RNGTT: variants seen among roughly 807,000 people sequenced by gnomAD.
RNGTT encodes the protein RNA guanylyltransferase and 5'-phosphatase, also known as mRNA-capping enzyme.
In RNGTT, 33 loss-of-function variants were observed where a neutral mutation model predicts 79.3. That is an observed-to-expected ratio of 0.42 (90% CI 0.32 to 0.56). RNGTT has a LOEUF of 0.56. Among genes scored for constraint, RNGTT ranks in the 20% least tolerant of loss-of-function variants. The probability of loss-of-function intolerance (pLI) is 0.17; values close to 1 mark genes in which losing one functional copy is unlikely to be tolerated. For synonymous variants in RNGTT, 222 were observed against 235.9 expected (o/e 0.94, Z 0.54); for missense variants, 497 against 739.1 (o/e 0.67, Z 3.80).
chr6:88,614,101 G>A (rs1366948463), intron 15 of RNGTT, among the ~76,000 whole-genome samples, 171 bp downstream of exon 15: 1 of 152,198 alleles, frequency 6.6e-6, no homozygotes, highest in African/African-American at 2.4e-5. Context: ...GAACCTACAA[G>A]CCAACTGGAG....
chr6:88,836,639 G>T (rs73498433), intron 11 of RNGTT, among the ~76,000 whole-genome samples: 3,740 of 152,122 alleles, frequency 0.025, 166 homozygotes, highest in African/African-American at 0.084. Flanking sequence ...CTACTCAGGA[G>T]GCTAAGGCGG....
At chr6:88,952,960 G>T (rs538738710) in intron 1 of RNGTT, among the ~76,000 whole-genome samples, 142 of 152,290 alleles carry the variant, frequency 9.3e-4, no homozygotes, top group Non-Finnish European at 6.6e-4. Context: ...TGGGACAAAA[G>T]AATCTGAACA....
chr6:88,864,378 A>G (rs1038960315), intron 8 of RNGTT, among the ~76,000 whole-genome samples: 19 of 152,106 alleles, frequency 1.2e-4, no homozygotes, highest in African/African-American at 4.6e-4. Flanking sequence ...ATTTGCCAAC[A>G]TTAGCATTAA....
intron 14 of RNGTT, among the ~76,000 whole-genome samples, chr6:88,634,765 ATATAACT>A (rs1342317373): frequency 6.6e-6 from 1 of 152,156 alleles, no homozygotes; most frequent in Non-Finnish European, 1.5e-5. Flanking sequence ...AGAAAATAAA[ATATAACT>A]TAAAAAATAT....
Position 88,930,705 on chromosome 6 carries a change from T to C in RNGTT, c.175-1438A>G, listed in dbSNP as rs898381723. On this transcript the variant is annotated intron_variant, in intron 2 of 15. Transcript: ENST00000369485. The stretch of plus-strand genomic sequence containing the variant: ...CCAGGAGCAGCAGATTTTAGGAAAA[T>C]GCCAATAAAAATACATTTCCGGTAA... Among the ~76,000 whole-genome samples the C allele has an allele frequency of 4.6e-5, 7 of 152,012 alleles. 1 individual carries two copies. Among genetic ancestry groups the C allele is most frequent in the Admixed American group, 4.6e-4 (7 of 15,250 alleles).
At chr6:88,771,303 A>ATGTG (rs373169358) in intron 12 of RNGTT, among the ~76,000 whole-genome samples, 1,595 of 81,936 alleles carry the variant, frequency 0.019, 34 homozygotes, top group African/African-American at 0.044. Flanking sequence ...GTATGTATGT[A>ATGTG]TGTGTGTGTG....
chr6:88,934,497 C>T (rs1485731630), intron 2 of RNGTT, among the ~76,000 whole-genome samples: 3 of 152,076 alleles, frequency 2.0e-5, no homozygotes, highest in Non-Finnish European at 4.4e-5. Context: ...CATCTTTGCC[C>T]ACTTTTTAAT....
At chr6:88,717,821 C>A (rs940068301) in intron 13 of RNGTT, among the ~76,000 whole-genome samples, 1 of 152,098 alleles carries the variant, frequency 6.6e-6, no homozygotes, top group African/African-American at 2.4e-5. Flanking sequence ...CCCCCACCAA[C>A]CCTGCCAGCA....
chr6:88,645,041 T>A (rs1457509773), intron 14 of RNGTT, among the ~76,000 whole-genome samples: 2 of 152,112 alleles, frequency 1.3e-5, no homozygotes, highest in Non-Finnish European at 2.9e-5. Flanking sequence ...GGTATTCAAT[T>A]AGGAAAAGAG....
intron 14 of RNGTT, among the ~76,000 whole-genome samples, chr6:88,640,358 T>C (rs980866194): frequency 1.5e-5 from 2 of 135,592 alleles, no homozygotes; most frequent in African/African-American, 2.8e-5. Context: ...GAGACCAACA[T>C]AGGCAGCATA....
chr6:88,632,544 GACACACACACACACAC>G (rs55920605), intron 14 of RNGTT, among the ~76,000 whole-genome samples: 1 of 132,968 alleles, frequency 7.5e-6, no homozygotes, highest in Non-Finnish European at 1.6e-5. Flanking sequence ...CAGACACACA[GACACACACACACACAC>G]ACACACACAC....
intron 13 of RNGTT, among the ~76,000 whole-genome samples, chr6:88,712,119 G>T (rs1243749158): frequency 6.6e-6 from 1 of 152,032 alleles, no homozygotes; most frequent in Admixed American, 6.6e-5. Context: ...TCCTTTAGGG[G>T]GATAAATTTA....
At chr6:88,672,788 G>A (rs1383537590) in intron 14 of RNGTT, among the ~76,000 whole-genome samples, 1 of 152,172 alleles carries the variant, frequency 6.6e-6, no homozygotes, top group East Asian at 1.9e-4. Flanking sequence ...ACCAGTCTAA[G>A]ACTATGCTGA....
chr6:88,863,286 T>C (rs966148897), intron 8 of RNGTT, among the ~76,000 whole-genome samples: 1 of 152,214 alleles, frequency 6.6e-6, no homozygotes, highest in Non-Finnish European at 1.5e-5. Flanking sequence ...TTAAATGTCT[T>C]CTACATAAGC....
At chr6:88,627,740 C>A (rs971961454) in intron 14 of RNGTT, among the ~76,000 whole-genome samples, 2 of 152,058 alleles carry the variant, frequency 1.3e-5, no homozygotes, top group East Asian at 3.9e-4. Context: ...CACCGAAGAC[C>A]ACAGACTCAC....
At position 88,855,173 on chromosome 6, in the gene RNGTT, C is replaced by A. The variant is rs1461681887; in HGVS notation, c.897-1409G>T. Among the ~76,000 whole-genome samples, 7 of 151,616 alleles carry A rather than the reference C, an allele frequency of 4.6e-5. 1 individual carries two copies. The highest frequency in any genetic ancestry group is 1.7e-4 in the African/African-American group (7 of 41,268). The stretch of plus-strand genomic sequence containing the variant: ...TACCCGCAAAGTACCTGAGGTATGT[C>A]CAAAAAAAAGGCAGCAACGACTGAA... On this transcript the variant is annotated intron_variant, in intron 8 of 15. Coordinates refer to ENST00000369485, the MANE Select transcript of RNGTT (RefSeq NM_003800.5).
chr6:88,854,110 C>CT (rs35698376), intron 8 of RNGTT, among the ~76,000 whole-genome samples: 14,249 of 151,300 alleles, frequency 0.094, 859 homozygotes, highest in Middle Eastern at 0.2. Flanking sequence ...TTTTTTCTTT[C>CT]TTTTTTTTAG....
intron 12 of RNGTT, among the ~76,000 whole-genome samples, chr6:88,774,070 C>T: frequency 6.6e-6 from 1 of 152,002 alleles, no homozygotes; most frequent in Non-Finnish European, 1.5e-5. Context: ...CTGATATAAA[C>T]CTGGATATGT....
chr6:88,772,931 A>G (rs1778740398), intron 12 of RNGTT, among the ~76,000 whole-genome samples: 1 of 151,986 alleles, frequency 6.6e-6, no homozygotes, highest in Non-Finnish European at 1.5e-5. Flanking sequence ...AGGGATCTAG[A>G]ACTAGAAATA....
Sources: allele counts gnomAD v4.1 joint callset (sites outside exome capture counted in the v4.1 genomes callset), GRCh38; gene constraint gnomAD v4.1.1; transcripts MANE v1.5; gene names NCBI Gene and HGNC (gene_info 2026-07-23, HGNC 2026-07-21).